Variants in CFAP97 observed in about 807,000 individuals in gnomAD.
CFAP97 encodes the protein cilia and flagella associated protein 97, also known as cilia- and flagella-associated protein 97.
A neutral mutation model predicts 43.1 loss-of-function variants in CFAP97; 36 were observed. The observed-to-expected ratio is 0.84, with a 90% CI of 0.64 to 1.10. The LOEUF is 1.10. Among genes scored for constraint, CFAP97 ranks in the 50% least tolerant of loss-of-function variants. The pLI is 0.00. For synonymous variants in CFAP97, 228 were observed against 225.7 expected (o/e 1.01, Z -0.09); for missense variants, 657 against 620.3 (o/e 1.06, Z -0.63).
intron 2 of CFAP97, among the ~76,000 whole-genome samples, chr4:185,189,881 C>G (rs1399370420): frequency 6.6e-6 from 1 of 152,194 alleles, no homozygotes; most frequent in African/African-American, 2.4e-5. Flanking sequence ...TCTTATCCAT[C>G]TGTTTCCTCT....
intron 3 of CFAP97, chr4:185,170,411 T>G (rs1162359896): frequency 2.4e-6 from 1 of 419,472 alleles, no homozygotes; most frequent in African/African-American, 2.1e-5. Context: ...ATAATTTTAT[T>G]TTTTACTTAT....
At chr4:185,178,256 T>C (rs1171213952) in intron 2 of CFAP97, among the ~76,000 whole-genome samples, 1 of 143,912 alleles carries the variant, frequency 6.9e-6, no homozygotes, top group Non-Finnish European at 1.5e-5. Flanking sequence ...TTTTTTTTTT[T>C]TTTTTTTTTG....
chr4:185,202,577 G>T (rs3108296), intron 1 of CFAP97, among the ~76,000 whole-genome samples: 87,698 of 148,484 alleles, frequency 0.59, 26,550 homozygotes, highest in Non-Finnish European at 0.66. Flanking sequence ...AAAATCACCG[G>T]GTTTCAACCC....
chr4:185,168,018 A>G lies in CFAP97; in HGVS notation c.1321-3839T>C, dbSNP rs1735138162. ...CTTCTCAAAAAAAAAAAAAAAAAAA[A>G]AGAACTTATTAAAATTAGTGGTATT... On this transcript the variant is annotated intron_variant, in intron 3 of 4. Transcript: ENST00000458385. Among the ~76,000 whole-genome samples the G allele has an allele frequency of 2.0e-5, 3 of 151,688 alleles. No homozygotes were observed. In the East Asian group the frequency reaches 5.8e-4, roughly 29 times the overall value.
At chr4:185,179,713 T>C (rs1283168898) in intron 2 of CFAP97, among the ~76,000 whole-genome samples, 3 of 152,166 alleles carry the variant, frequency 2.0e-5, no homozygotes, top group Non-Finnish European at 4.4e-5. Flanking sequence ...CCTTTGGGTC[T>C]CTCTATTCCC....
Position 185,200,939 on chromosome 4 carries a change from T to C in CFAP97, c.-17+2959A>G, listed in dbSNP as rs372945348. Reference sequence around the variant, plus strand: ...ACTCCTGAAGAAGCTGTAAATGTAGTTGAAATGACAACAAATGATTTAGAA... The same window carrying C: ...ACTCCTGAAGAAGCTGTAAATGTAGCTGAAATGACAACAAATGATTTAGAA... On this transcript the variant is annotated intron_variant, in intron 1 of 4. Coordinates refer to ENST00000458385, the MANE Select transcript of CFAP97 (RefSeq NM_020827.3). Among the ~76,000 whole-genome samples the C allele has an allele frequency of 1.4e-4, 22 of 152,310 alleles. 1 individual carries two copies. The highest frequency in any genetic ancestry group is 4.6e-4 in the African/African-American group (19 of 41,556).
At position 185,191,087 on chromosome 4, in the gene CFAP97, T is replaced by C. The variant is rs368238261; in HGVS notation, c.110A>G (p.Asn37Ser). 24 of 1,613,048 alleles carry C rather than the reference T, an allele frequency of 1.5e-5. No homozygotes were observed. The African/African-American group carries it at 3.1e-4, about 21-fold the overall frequency. Residue 37 changes from asparagine (N) to serine (S), a missense_variant, in exon 2 of 5, where the codon AAT (asparagine) becomes AGT (serine). Asn to Ser is a conservative substitution (Grantham distance 46). Transcript: ENST00000458385. ...ATCTATTCTTTCCTTTGGGTCATCA[T>C]TTTGCTTGTCAAAAACTGAGTTAGT... is the stretch of plus-strand genomic sequence containing the variant. ...CETNSVFDKQNDDPKERIDKD... is the reference protein window; with the variant it reads ...CETNSVFDKQSDDPKERIDKD...
chr4:185,177,267 G>C (rs1735588414), intron 2 of CFAP97, among the ~76,000 whole-genome samples: 1 of 151,916 alleles, frequency 6.6e-6, no homozygotes, highest in Non-Finnish European at 1.5e-5. Context: ...CAAAAAATTG[G>C]CCTGGCTTGG....
At chr4:185,172,269 G>A (rs941462971) in intron 3 of CFAP97, among the ~76,000 whole-genome samples, 1 of 152,116 alleles carries the variant, frequency 6.6e-6, no homozygotes, top group Non-Finnish European at 1.5e-5. Flanking sequence ...TTTTTGTTTG[G>A]ATGCAATGTT....
intron 3 of CFAP97, among the ~76,000 whole-genome samples, chr4:185,164,905 T>C (rs1735009565): frequency 6.6e-6 from 1 of 152,236 alleles, no homozygotes; most frequent in Non-Finnish European, 1.5e-5. Context: ...ATTCTCCACA[T>C]GTACATTGCA....
rs1736225771 is a variant in CFAP97, at chr4:185,190,992, T to C, written c.205A>G (p.Asn69Asp). ...GGGGGAAATTTCACGTTTCTTTCAT[T>C]TCCCTTCTCAGTAAGATAATTTTCT... The part of the protein sequence containing the change: ...TTENYLTEKG[N>D]ERNVKFPPEH... Residue 69 changes from asparagine (N) to aspartate (D), a missense_variant, in exon 2 of 5, where the codon AAT becomes GAT. Asn to Asp is a conservative substitution (Grantham distance 23). Transcript: ENST00000458385. The C allele has an allele frequency of 6.2e-7, 1 of 1,613,636 alleles. No individual in the cohort carries two copies. The highest frequency in any genetic ancestry group is 2.2e-5 in the East Asian group (1 of 44,886).
chr4:185,186,152 G>T (rs961160340), intron 2 of CFAP97, among the ~76,000 whole-genome samples: 1 of 152,116 alleles, frequency 6.6e-6, no homozygotes, highest in Admixed American at 6.5e-5. Context: ...TTACTTGTGG[G>T]CCAGGCGAGG....
chr4:185,201,872 C>A (rs1269518691), intron 1 of CFAP97, among the ~76,000 whole-genome samples: 1 of 152,166 alleles, frequency 6.6e-6, no homozygotes, highest in Non-Finnish European at 1.5e-5. Context: ...CACAGTTTAT[C>A]ATCTTTTAAA....
In CFAP97 at chr4:185,160,152, T is replaced by A. The variant is rs1734827020; in HGVS notation, c.*2646A>T. 6.6e-6 allele frequency: 1 copy of A among 152,204 alleles called. No individual in the cohort carries two copies. Among genetic ancestry groups the A allele is most frequent in the Non-Finnish European group, 1.5e-5 (1 of 68,038 alleles). The allele number at this position is 152,204 out of a possible 1,614,324, so 9.4% of individuals were successfully genotyped here. Reference sequence around the variant, plus strand: ...AGTAATAGCTAAGAAAACAGCTTTTTATGGAAACTGAAAAAGAGAGCAGAG... The same window carrying A: ...AGTAATAGCTAAGAAAACAGCTTTTAATGGAAACTGAAAAAGAGAGCAGAG... On this transcript the variant is annotated 3_prime_UTR_variant, in exon 5 of 5. Coordinates refer to ENST00000458385, the MANE Select transcript of CFAP97 (RefSeq NM_020827.3).
chr4:185,173,320 G>C (rs1028266202), intron 3 of CFAP97, among the ~76,000 whole-genome samples: 106 of 146,794 alleles, frequency 7.2e-4, no homozygotes, highest in African/African-American at 2.5e-3. Context: ...CCGAGATCAC[G>C]TCACTGCACT....
intron 3 of CFAP97, chr4:185,169,953 C>T: frequency 9.8e-7 from 1 of 1,021,218 alleles, no homozygotes; most frequent in Non-Finnish European, 1.2e-6. Context: ...TACTGTTAAT[C>T]AACAGATTAA....
chr4:185,199,281 G>A (rs929068702), intron 1 of CFAP97, among the ~76,000 whole-genome samples: 2 of 152,174 alleles, frequency 1.3e-5, no homozygotes, highest in East Asian at 1.9e-4. Flanking sequence ...GCTGAGGCTG[G>A]AGAATAGGTT....
rs1266396963 is a variant in CFAP97 at position 185,192,435 on chromosome 4, CA to C, written c.-16-1224del. Among the ~76,000 whole-genome samples the C allele has an allele frequency of 5.9e-5, 9 of 152,248 alleles. No homozygotes were observed. The South Asian group carries it at 1.9e-3, about 32-fold the overall frequency. On this transcript the variant is annotated intron_variant, in intron 1 of 4. Coordinates refer to ENST00000458385, the MANE Select transcript of CFAP97 (RefSeq NM_020827.3). ...AAATGTTCAAAGTAGTTGCCTTTAT[CA>C]GGGGGCAGGGGCCACTGATTTTTGT... is the stretch of plus-strand genomic sequence containing the variant.
chr4:185,177,297 C>T (rs983856521), intron 2 of CFAP97, among the ~76,000 whole-genome samples: 1 of 151,800 alleles, frequency 6.6e-6, no homozygotes, highest in African/African-American at 2.4e-5. Context: ...CCTGTAATCT[C>T]GGCTACTCAG....
Sources: gnomAD v4.1 joint callset for allele counts (sites outside exome capture counted in the v4.1 genomes callset) on GRCh38, gnomAD v4.1.1 for gene constraint, MANE v1.5 for transcripts, NCBI Gene and HGNC (gene_info 2026-07-23, HGNC 2026-07-21) for gene names.